The following ADAMTSL3 variants were observed in gnomAD, a reference collection of about 807,000 sequenced individuals.
The protein encoded by ADAMTSL3 is ADAMTS like 3.
A neutral mutation model predicts 201.7 loss-of-function variants in ADAMTSL3; 128 were observed. That is an observed-to-expected ratio of 0.63 (90% CI 0.55 to 0.73). The LOEUF (loss-of-function observed/expected upper bound fraction) is 0.73, where lower values mean the gene tolerates loss of function less well. ADAMTSL3 is among the 30% of genes least tolerant of loss of function. ADAMTSL3 has a pLI of 0.00. For missense variants in ADAMTSL3, 1,990 were observed against 2,119.6 expected, an observed-to-expected ratio of 0.94 and a Z score of 1.20; for synonymous variants, 738 against 748.4, an observed-to-expected ratio of 0.99 and a Z score of 0.23.
chr15:83,969,051 T>G (rs1327766048), intron 19 of ADAMTSL3, among the ~76,000 whole-genome samples: 2 of 152,126 alleles, frequency 1.3e-5, no homozygotes, highest in Non-Finnish European at 2.9e-5. Flanking sequence ...ATACCTAATG[T>G]AGATGACGGG....
chr15:83,654,477 C>T lies in ADAMTSL3; in HGVS notation c.-34+201C>T, dbSNP rs1199400943. ...TGGGCACCTCGGGTCGGGCGCGCTT[C>T]GTGCCGTCCCGGAAGGTTCAGGGAG... On this transcript the variant is annotated intron_variant, in intron 1 of 29. Transcript: ENST00000286744. The surrounding 1 kb of genome is among the most constrained non-coding windows in gnomAD (Gnocchi z 5.3). Among the ~76,000 whole-genome samples, 2 of 152,022 alleles carry T rather than the reference C, an allele frequency of 1.3e-5. No homozygotes were observed. The highest frequency in any genetic ancestry group is 2.9e-5 in the Non-Finnish European group (2 of 68,016).
At chr15:83,858,414 C>G (rs889861473) in intron 7 of ADAMTSL3, among the ~76,000 whole-genome samples, 2 of 152,096 alleles carry the variant, frequency 1.3e-5, no homozygotes, top group African/African-American at 4.8e-5. Flanking sequence ...ACTCTGTTGC[C>G]CAGGCTGGAG....
intron 4 of ADAMTSL3, among the ~76,000 whole-genome samples, chr15:83,776,447 G>T (rs2063075673): frequency 6.6e-6 from 1 of 152,244 alleles, no homozygotes; most frequent in African/African-American, 2.4e-5. Context: ...GCCAGGCACA[G>T]TGGCTCACGC....
At chr15:83,991,527 A>T (rs2067583232) in intron 23 of ADAMTSL3, among the ~76,000 whole-genome samples, 1 of 152,076 alleles carries the variant, frequency 6.6e-6, no homozygotes, top group African/African-American at 2.4e-5. Flanking sequence ...TCTACAAAAG[A>T]GGCCAACTTT....
At chr15:83,936,074 G>A (rs529421719) in intron 17 of ADAMTSL3, among the ~76,000 whole-genome samples, 17 of 152,078 alleles carry the variant, frequency 1.1e-4, no homozygotes, top group East Asian at 3.9e-4. Flanking sequence ...AATGATGACC[G>A]AAGTATATTG....
chr15:83,777,211 C>G (rs1234178187), intron 4 of ADAMTSL3, among the ~76,000 whole-genome samples: 1 of 152,300 alleles, frequency 6.6e-6, no homozygotes, highest in East Asian at 1.9e-4. Context: ...ACTGCCTCTG[C>G]CATTGTGGTG....
Position 84,037,928 on chromosome 15 carries a change from A to C in ADAMTSL3, c.*122A>C. ...AGACTAGATTCTATGGATCAAACAGAGGTTGATGCAAAAACACCACTGTTA... is the reference window on the plus strand; with the variant it reads ...AGACTAGATTCTATGGATCAAACAGCGGTTGATGCAAAAACACCACTGTTA... On this transcript the variant is annotated 3_prime_UTR_variant, in exon 30 of 30. Transcript: ENST00000286744. The C allele has an allele frequency of 1.4e-5, 19 of 1,375,404 alleles. No homozygotes were observed. Among genetic ancestry groups the C allele is most frequent in the Non-Finnish European group, 1.8e-5 (19 of 1,046,344 alleles). The allele number at this position is 1,375,404 out of a possible 1,614,324, so 85.2% of individuals were successfully genotyped here.
chr15:83,718,801 A>G (rs887060882), intron 3 of ADAMTSL3, among the ~76,000 whole-genome samples: 2 of 152,134 alleles, frequency 1.3e-5, no homozygotes, highest in African/African-American at 2.4e-5. Flanking sequence ...TAATAATACT[A>G]AAATGCATTA....
intron 3 of ADAMTSL3, chr15:83,739,829 A>T: frequency 1.7e-6 from 1 of 601,396 alleles, no homozygotes; most frequent in Admixed American, 1.9e-5. Context: ...TGGTGTCCAG[A>T]TTGGCAATGC....
At chr15:83,833,903 T>G (rs1051036353) in intron 6 of ADAMTSL3, among the ~76,000 whole-genome samples, 3 of 152,204 alleles carry the variant, frequency 2.0e-5, no homozygotes, top group Non-Finnish European at 4.4e-5. Flanking sequence ...TGTTTTTGTT[T>G]TTGTCAAGAG....
chr15:83,873,776 T>A (rs2141835506), intron 9 of ADAMTSL3, among the ~76,000 whole-genome samples: 1 of 146,110 alleles, frequency 6.8e-6, no homozygotes, highest in Non-Finnish European at 1.5e-5. Flanking sequence ...TCTCTGTACT[T>A]CACCATCTGC....
chr15:83,890,378 T>C (rs2065480041), intron 11 of ADAMTSL3, 131 bp downstream of exon 11: 4 of 1,158,128 alleles, frequency 3.5e-6, no homozygotes, highest in African/African-American at 1.6e-5. Context: ...GTGCCTACAT[T>C]CACATTTGTA....
chr15:83,924,657 CAGAAG>C (rs1194990654), intron 17 of ADAMTSL3, among the ~76,000 whole-genome samples: 2 of 152,194 alleles, frequency 1.3e-5, no homozygotes, highest in Non-Finnish European at 2.9e-5. Context: ...GGAATTTTAT[CAGAAG>C]AGAAGTAGCT....
chr15:83,731,822 G>T (rs975766964), intron 3 of ADAMTSL3, among the ~76,000 whole-genome samples: 1 of 151,894 alleles, frequency 6.6e-6, no homozygotes, highest in Non-Finnish European at 1.5e-5. Flanking sequence ...ATGCTAAGTG[G>T]AATAAGCCAG....
intron 2 of ADAMTSL3, among the ~76,000 whole-genome samples, chr15:83,672,454 A>AT (rs2061340977): frequency 6.6e-6 from 1 of 152,174 alleles, no homozygotes; most frequent in South Asian, 2.1e-4. Flanking sequence ...CTGGATGGGT[A>AT]TTCTCCGTGA....
rs1242143734 is a variant in ADAMTSL3, at chr15:83,924,019, GC to G, written c.2106del (p.Cys703ValfsTer88). 3 of 1,614,004 alleles carry G rather than the reference GC, an allele frequency of 1.9e-6. No individual in the cohort carries two copies. Among genetic ancestry groups the G allele is most frequent in the Non-Finnish European group, 2.5e-6 (3 of 1,180,008 alleles). On this transcript the variant is annotated frameshift_variant, in exon 17 of 30. Transcript: ENST00000286744. LOFTEE classifies it high-confidence loss of function. Reference sequence around the variant, plus strand: ...CCATGAGCCAGGCCTGTAACACAGAGCCCTGTCCCCCCAGGTATGTGCTGTC... The same window carrying G: ...CCATGAGCCAGGCCTGTAACACAGAGCCTGTCCCCCCAGGTATGTGCTGTC... ...PAMSQACNTE[P>X]CPPRWHVGSW... is the part of the protein sequence containing the mutation.
chr15:83,919,730 A>C (rs1454632877), intron 16 of ADAMTSL3, among the ~76,000 whole-genome samples: 1 of 152,164 alleles, frequency 6.6e-6, no homozygotes, highest in Non-Finnish European at 1.5e-5. Context: ...GTACATTTAA[A>C]AGGCAACAAG....
intron 3 of ADAMTSL3, among the ~76,000 whole-genome samples, chr15:83,771,897 C>T (rs561973635): frequency 6.6e-5 from 10 of 151,376 alleles, no homozygotes; most frequent in African/African-American, 2.2e-4. Context: ...CGCTCTGTCA[C>T]CCAGCCTGGA....
At chr15:83,764,297 C>A (rs1263743585) in intron 3 of ADAMTSL3, among the ~76,000 whole-genome samples, 4 of 152,170 alleles carry the variant, frequency 2.6e-5, no homozygotes, top group African/African-American at 4.8e-5. Flanking sequence ...CTGCCTAAGT[C>A]ACTCCTCTGC....
Sources: allele counts gnomAD v4.1 joint callset (sites outside exome capture counted in the v4.1 genomes callset), GRCh38; gene constraint gnomAD v4.1.1; non-coding constraint Gnocchi (gnomAD v3.1); transcripts MANE v1.5; gene names NCBI Gene and HGNC (gene_info 2026-07-23, HGNC 2026-07-21).